SNX24: variants seen among roughly 807,000 people sequenced by gnomAD.
SNX24 encodes the protein sorting nexin 24, also known as sorting nexin-24.
In SNX24, 22 loss-of-function variants were observed where a neutral mutation model predicts 28.7. That is an observed-to-expected ratio of 0.77 (90% CI 0.55 to 1.10). SNX24 has a LOEUF of 1.10. Among genes scored for constraint, SNX24 ranks in the 50% least tolerant of loss-of-function variants. The probability of loss-of-function intolerance (pLI) is 0.00; values close to 1 mark genes in which losing one functional copy is unlikely to be tolerated. For missense variants in SNX24, 221 were observed against 201.1 expected, an observed-to-expected ratio of 1.10 and a Z score of -0.60; for synonymous variants, 69 against 71.5, an observed-to-expected ratio of 0.96 and a Z score of 0.18.
intron 3 of SNX24, among the ~76,000 whole-genome samples, chr5:122,957,099 T>C (rs1760248418): frequency 1.3e-5 from 2 of 152,210 alleles, no homozygotes; most frequent in Non-Finnish European, 2.9e-5. Flanking sequence ...CCAAATCCAG[T>C]GTCACAAAGC....
At chr5:122,990,136 T>C (rs930060790) in intron 3 of SNX24, among the ~76,000 whole-genome samples, 2 of 152,208 alleles carry the variant, frequency 1.3e-5, no homozygotes, top group Non-Finnish European at 2.9e-5. Flanking sequence ...TTTCATACAT[T>C]GTTTCTCTGA....
At chr5:122,867,892 G>C (rs1177455458) in intron 1 of SNX24, among the ~76,000 whole-genome samples, 1 of 152,108 alleles carries the variant, frequency 6.6e-6, no homozygotes, top group Non-Finnish European at 1.5e-5. Flanking sequence ...CAGACCATTG[G>C]CCACAGCCCC....
At chr5:122,879,673 TTGTATGTA>T (rs554807890) in intron 1 of SNX24, among the ~76,000 whole-genome samples, 21 of 151,492 alleles carry the variant, frequency 1.4e-4, no homozygotes, top group African/African-American at 3.4e-4. Context: ...TAATCAATTT[TTGTATGTA>T]TGTATGTATG....
chr5:123,010,965 C>A (rs1313204984), downstream of SNX24, among the ~76,000 whole-genome samples: 1 of 151,906 alleles, frequency 6.6e-6, no homozygotes, highest in Admixed American at 6.6e-5. Context: ...GTAACCACTA[C>A]CATATTGATA....
Position 123,008,104 on chromosome 5 carries a change from C to G in SNX24, c.*355C>G. On this transcript the variant is annotated 3_prime_UTR_variant, in exon 7 of 7. Transcript: ENST00000261369. ...ACCATTTGCTAATTGAAAATCATAT[C>G]CTGAATCATACTGAGACTGATCAAC... is the stretch of plus-strand genomic sequence containing the variant. The G allele has an allele frequency of 9.6e-7, 1 of 1,040,038 alleles. No individual in the cohort carries two copies. The highest frequency in any genetic ancestry group is 1.2e-6 in the Non-Finnish European group (1 of 865,220). The allele number at this position is 1,040,038 out of a possible 1,614,324, so 64.4% of individuals were successfully genotyped here.
At chr5:122,850,579 C>G (rs1299709783) in intron 1 of SNX24, among the ~76,000 whole-genome samples, 3 of 152,116 alleles carry the variant, frequency 2.0e-5, no homozygotes, top group African/African-American at 7.2e-5. Context: ...CTGCAGATAT[C>G]TCCAGTACCT....
intron 3 of SNX24, among the ~76,000 whole-genome samples, chr5:122,958,701 C>A (rs1760326946): frequency 7.1e-6 from 1 of 139,986 alleles, no homozygotes; most frequent in Non-Finnish European, 1.5e-5. Context: ...ACTTTATAGT[C>A]TTTTTATTTT....
intron 1 of SNX24, among the ~76,000 whole-genome samples, chr5:122,916,607 TC>T (rs1338861586): frequency 2.0e-5 from 3 of 152,190 alleles, no homozygotes; most frequent in Non-Finnish European, 4.4e-5. Context: ...TTTTTAACAT[TC>T]TGCATCCCAA....
chr5:122,947,694 C>A (rs984259553), intron 3 of SNX24, among the ~76,000 whole-genome samples: 1 of 151,994 alleles, frequency 6.6e-6, no homozygotes, highest in African/African-American at 2.4e-5. Flanking sequence ...AAACAAACCC[C>A]TCCAAAAAAT....
intron 3 of SNX24, 55 bp downstream of exon 3, chr5:122,946,214 C>A (rs1390176378): frequency 2.9e-6 from 3 of 1,025,320 alleles, no homozygotes; most frequent in Non-Finnish European, 4.5e-6. Flanking sequence ...TATGTCTTAC[C>A]ACTTTTTCTC....
At chr5:123,013,744 T>C (rs140824880), downstream of SNX24, among the ~76,000 whole-genome samples, 404 of 152,314 alleles carry the variant, frequency 2.7e-3, 6 homozygotes, top group Admixed American at 0.025. Context: ...AGCTAGGACA[T>C]TGGTGTCCCT....
intron 1 of SNX24, among the ~76,000 whole-genome samples, chr5:122,922,114 A>T (rs1238775009): frequency 6.6e-6 from 1 of 152,158 alleles, no homozygotes. Flanking sequence ...TTTGACACTG[A>T]TGTTGGTTAT....
At position 122,978,196 on chromosome 5, in the gene SNX24, C is replaced by G. The variant is rs1007316612; in HGVS notation, c.250-21716C>G. Among the ~76,000 whole-genome samples, 102 of 152,170 alleles carry G rather than the reference C, an allele frequency of 6.7e-4. 1 individual carries two copies. Among genetic ancestry groups the G allele is most frequent in the African/African-American group, 2.4e-3 (99 of 41,502 alleles). On this transcript the variant is annotated intron_variant, in intron 3 of 6. Coordinates refer to ENST00000261369, the MANE Select transcript of SNX24 (RefSeq NM_014035.4). Reference sequence around the variant, plus strand: ...GTTCATTGAATAACACGAATTATATCTAATGTTTAGAGAAGTGTTTACAAG... The same window carrying G: ...GTTCATTGAATAACACGAATTATATGTAATGTTTAGAGAAGTGTTTACAAG...
intron 1 of SNX24, among the ~76,000 whole-genome samples, chr5:122,911,569 C>T (rs1757890576): frequency 7.7e-5 from 11 of 142,814 alleles, no homozygotes; most frequent in African/African-American, 7.8e-5. Flanking sequence ...AATGGTAATG[C>T]CTAGGTTTTC....
intron 1 of SNX24, among the ~76,000 whole-genome samples, chr5:122,861,914 A>G (rs1299841214): frequency 6.6e-6 from 1 of 152,138 alleles, no homozygotes; most frequent in Non-Finnish European, 1.5e-5. Context: ...TTGCTAATGG[A>G]AATTCATCTG....
chr5:122,862,870 A>C (rs1294221129), intron 1 of SNX24, among the ~76,000 whole-genome samples: 1 of 152,148 alleles, frequency 6.6e-6, no homozygotes, highest in African/African-American at 2.4e-5. Context: ...CCTTTGAAAC[A>C]ACCTTCCCAC....
intron 1 of SNX24, among the ~76,000 whole-genome samples, chr5:122,905,732 A>G (rs573714162): frequency 6.6e-6 from 1 of 152,246 alleles, no homozygotes; most frequent in Non-Finnish European, 1.5e-5. Flanking sequence ...TCTCTTTCCA[A>G]CTCAGATATA....
chr5:123,007,568 C>A, intron 6 of SNX24, 114 bp from the exon 7 acceptor site: 1 of 951,266 alleles, frequency 1.1e-6, no homozygotes, highest in Non-Finnish European at 1.6e-6. Flanking sequence ...ATGCAGATTC[C>A]TGTGTTTACC....
chr5:122,889,628 T>TATATATATACAC (rs1561551705), intron 1 of SNX24, among the ~76,000 whole-genome samples: 2 of 12,312 alleles, frequency 1.6e-4, no homozygotes, highest in Admixed American at 1.3e-3. Context: ...TATATACACA[T>TATATATATACAC]ATATATATAT....
Sources: allele counts gnomAD v4.1 joint callset (sites outside exome capture counted in the v4.1 genomes callset), GRCh38; gene constraint gnomAD v4.1.1; transcripts MANE v1.5; gene names NCBI Gene and HGNC (gene_info 2026-07-23, HGNC 2026-07-21).